KLF12: variants seen among roughly 807,000 people sequenced by gnomAD.
KLF12 encodes KLF transcription factor 12.
In KLF12, 9 loss-of-function variants were observed where a neutral mutation model predicts 37.8. The ratio of observed to expected loss-of-function variants is 0.24; its 90% CI spans 0.14 to 0.42. The LOEUF is 0.42. Ranked by LOEUF, KLF12 falls within the 10% of genes least tolerant of loss-of-function variation. KLF12 has a pLI of 1.00. For synonymous variants in KLF12, 208 were observed against 202.1 expected (o/e 1.03, Z -0.25); for missense variants, 411 against 516.0 (o/e 0.80, Z 1.97).
intron 1 of KLF12, among the ~76,000 whole-genome samples, chr13:74,044,482 C>T (rs1206738726): frequency 2.0e-5 from 3 of 151,146 alleles, no homozygotes; most frequent in African/African-American, 4.9e-5. Context: ...TAGAGAAGTA[C>T]AATTAAAAAA....
the KLF12 span, among the ~76,000 whole-genome samples, chr13:74,200,840 C>T: frequency 8.6e-5 from 13 of 151,852 alleles, no homozygotes; most frequent in East Asian, 1.9e-4. Context: ...AGGTATTTGG[C>T]GTATTAGTAT....
At chr13:73,731,536 C>A (rs372948584) in intron 6 of KLF12, among the ~76,000 whole-genome samples, 1,375 of 103,140 alleles carry the variant, frequency 0.013, no homozygotes, top group Middle Eastern at 0.015. Flanking sequence ...GGAAATTAGA[C>A]AAAAAAAAAA....
At chr13:74,169,966 A>T in the KLF12 span, among the ~76,000 whole-genome samples, 1 of 151,124 alleles carries the variant, frequency 6.6e-6, no homozygotes, top group African/African-American at 2.4e-5. Context: ...CAAATTGTTT[A>T]AAAGCAAACA....
chr13:74,225,812 T>C, the KLF12 span, among the ~76,000 whole-genome samples: 3 of 152,312 alleles, frequency 2.0e-5, no homozygotes, highest in East Asian at 5.8e-4. Flanking sequence ...TTTTTTCATA[T>C]GTGTCTTGAA....
chr13:73,744,978 A>G (rs951764182), intron 6 of KLF12, among the ~76,000 whole-genome samples: 1 of 152,198 alleles, frequency 6.6e-6, no homozygotes, highest in Non-Finnish European at 1.5e-5. Context: ...AGAGCCTTCT[A>G]GTGTTAGCCA....
At chr13:73,890,821 G>C (rs1177175324) in intron 3 of KLF12, among the ~76,000 whole-genome samples, 3 of 151,996 alleles carry the variant, frequency 2.0e-5, no homozygotes, top group Non-Finnish European at 4.4e-5. Flanking sequence ...ACCCACTCTT[G>C]GTTCTGTTTC....
At chr13:74,114,709 A>G (rs1877189642) in intron 1 of KLF12, among the ~76,000 whole-genome samples, 2 of 152,188 alleles carry the variant, frequency 1.3e-5, no homozygotes, top group Non-Finnish European at 2.9e-5. Flanking sequence ...AAATTGATCT[A>G]CCCTCAATAC....
chr13:73,967,471 C>G (rs1364469852), intron 2 of KLF12, among the ~76,000 whole-genome samples: 1 of 152,212 alleles, frequency 6.6e-6, no homozygotes, highest in Non-Finnish European at 1.5e-5. Context: ...ACCACTCCTG[C>G]TGAGACTCTC....
At chr13:73,858,907 A>G (rs918250723) in intron 3 of KLF12, among the ~76,000 whole-genome samples, 1 of 152,244 alleles carries the variant, frequency 6.6e-6, no homozygotes, top group East Asian at 1.9e-4. Flanking sequence ...ATGTTCAAAT[A>G]AGTGTTATAA....
the KLF12 span, among the ~76,000 whole-genome samples, chr13:74,211,902 A>G: frequency 3.3e-5 from 5 of 152,154 alleles, no homozygotes; most frequent in African/African-American, 1.2e-4. Context: ...TAAAATTGTG[A>G]CCTCATTCAC....
rs1244017898 is a variant in KLF12 at position 73,738,114 on chromosome 13, TATATATATATACACACAC to T, written c.870-22607_870-22590del. On this transcript the variant is annotated intron_variant, in intron 6 of 7. Coordinates refer to ENST00000377669, the MANE Select transcript of KLF12 (RefSeq NM_007249.5). Reference sequence around the variant, plus strand: ...GTACATATATATATATATATATATATATATATATATACACACACACACATATATATACACACACACATT... The same window carrying T: ...GTACATATATATATATATATATATATACACATATATATACACACACACATT... Among the ~76,000 whole-genome samples the T allele has an allele frequency of 2.4e-3, 168 of 69,154 alleles. 3 individuals carry two copies. Among genetic ancestry groups the T allele is most frequent in the African/African-American group, 0.014 (147 of 10,594 alleles). 45.4% of individuals were successfully genotyped at this position (69,154 alleles called of 152,430 possible).
intron 1 of KLF12, among the ~76,000 whole-genome samples, chr13:74,002,676 A>T (rs1434937799): frequency 6.6e-6 from 1 of 152,222 alleles, no homozygotes; most frequent in Non-Finnish European, 1.5e-5. Context: ...TCTGACTCTT[A>T]CTATAAGAAT....
At chr13:74,166,688 C>G in the KLF12 span, among the ~76,000 whole-genome samples, 1 of 152,068 alleles carries the variant, frequency 6.6e-6, no homozygotes, top group East Asian at 1.9e-4. Flanking sequence ...TGGATTTCCC[C>G]CCTACTTTTC....
At chr13:74,061,393 C>T (rs1167323047) in intron 1 of KLF12, among the ~76,000 whole-genome samples, 1 of 152,148 alleles carries the variant, frequency 6.6e-6, no homozygotes. Context: ...GTTCCAAAGA[C>T]AGATGAAATC....
intron 2 of KLF12, among the ~76,000 whole-genome samples, chr13:73,952,548 G>A (rs1209399973): frequency 2.6e-5 from 4 of 152,130 alleles, no homozygotes; most frequent in African/African-American, 9.7e-5. Flanking sequence ...TGAGATTTGA[G>A]TGGAGACACA....
intron 3 of KLF12, among the ~76,000 whole-genome samples, chr13:73,854,645 C>T (rs1035069155): frequency 6.6e-6 from 1 of 152,150 alleles, no homozygotes; most frequent in Non-Finnish European, 1.5e-5. Flanking sequence ...CCCCCCTCCA[C>T]CAAGGATACC....
At chr13:73,831,791 G>C (rs1884176399) in intron 4 of KLF12, among the ~76,000 whole-genome samples, 1 of 152,130 alleles carries the variant, frequency 6.6e-6, no homozygotes, top group Admixed American at 6.6e-5. Context: ...CTATAAACTG[G>C]TAAAGCAAAA....
intron 1 of KLF12, among the ~76,000 whole-genome samples, chr13:74,059,627 T>C (rs908608759): frequency 2.6e-5 from 4 of 152,246 alleles, no homozygotes; most frequent in Admixed American, 6.5e-5. Context: ...CACTTTTTAA[T>C]GGAGTTTTTT....
intron 1 of KLF12, among the ~76,000 whole-genome samples, chr13:74,095,517 T>C (rs927783297): frequency 5.9e-5 from 9 of 152,146 alleles, no homozygotes; most frequent in Non-Finnish European, 8.8e-5. Flanking sequence ...GCCTCCCAAA[T>C]AGCTGGGACT....
Sources: gnomAD v4.1 joint callset for allele counts (sites outside exome capture counted in the v4.1 genomes callset) on GRCh38, gnomAD v4.1.1 for gene constraint, MANE v1.5 for transcripts, NCBI Gene and HGNC (gene_info 2026-07-23, HGNC 2026-07-21) for gene names.